CADM2: variants seen among roughly 807,000 people sequenced by gnomAD.
The protein encoded by CADM2 is immunoglobulin superfamily member 4D.
CADM2 carries 12 observed loss-of-function variants against 49.8 expected under a neutral mutation model. That is an observed-to-expected ratio of 0.24 (90% CI 0.15 to 0.39). CADM2 has a LOEUF of 0.39. Among genes scored for constraint, CADM2 ranks in the 10% least tolerant of loss-of-function variants. The probability of loss-of-function intolerance (pLI) is 1.00; values close to 1 mark genes in which losing one functional copy is unlikely to be tolerated. For synonymous variants in CADM2, 214 were observed against 175.4 expected (o/e 1.22, Z -1.74); for missense variants, 378 against 492.3 (o/e 0.77, Z 2.20).
intron 5 of CADM2, among the ~76,000 whole-genome samples, chr3:85,906,257 A>G (rs749631795): frequency 1.3e-5 from 2 of 152,168 alleles, no homozygotes; most frequent in Non-Finnish European, 2.9e-5. Flanking sequence ...GCTTCGAGTC[A>G]GGTAATATAT....
intron 1 of CADM2, among the ~76,000 whole-genome samples, chr3:84,965,165 C>T (rs572907954): frequency 3.3e-5 from 5 of 152,208 alleles, no homozygotes; most frequent in Non-Finnish European, 5.9e-5. Context: ...TCATTGCCAA[C>T]ATTTTATTTG....
chr3:85,354,041 G>C (rs2031607624), intron 1 of CADM2, among the ~76,000 whole-genome samples: 4 of 151,460 alleles, frequency 2.6e-5, no homozygotes, highest in Admixed American at 2.6e-4. Flanking sequence ...AGCTTATTAG[G>C]AATAGAACTG....
intron 1 of CADM2, among the ~76,000 whole-genome samples, chr3:85,341,388 A>G (rs1369398423): frequency 5.3e-5 from 8 of 151,968 alleles, no homozygotes; most frequent in Admixed American, 5.3e-4. Context: ...AGTCTATTTT[A>G]CAAACATTAG....
At chr3:85,246,443 A>G (rs2042647917) in intron 1 of CADM2, among the ~76,000 whole-genome samples, 1 of 152,018 alleles carries the variant, frequency 6.6e-6, no homozygotes, top group African/African-American at 2.4e-5. Flanking sequence ...CTTAAAGTAT[A>G]ATAAATAAAT....
intron 1 of CADM2, among the ~76,000 whole-genome samples, chr3:85,612,375 A>G (rs2063702044): frequency 6.6e-6 from 1 of 151,850 alleles, no homozygotes; most frequent in Non-Finnish European, 1.5e-5. Flanking sequence ...TGGGTTTCTA[A>G]TTCCATTTTC....
intron 1 of CADM2, among the ~76,000 whole-genome samples, chr3:85,160,512 T>A (rs902963644): frequency 2.6e-5 from 4 of 152,178 alleles, no homozygotes; most frequent in African/African-American, 9.6e-5. Context: ...CCTCTAAGAT[T>A]ATCTATTTGT....
intron 1 of CADM2, among the ~76,000 whole-genome samples, chr3:85,443,113 G>A (rs947197742): frequency 3.3e-5 from 5 of 151,852 alleles, no homozygotes; most frequent in African/African-American, 9.7e-5. Flanking sequence ...TAAAATAAAC[G>A]GGTTGATTTC....
intron 1 of CADM2, among the ~76,000 whole-genome samples, chr3:85,404,287 T>C (rs2035265800): frequency 1.3e-5 from 2 of 152,102 alleles, no homozygotes; most frequent in Non-Finnish European, 2.9e-5. Context: ...TGAGATGACT[T>C]TGTGCCCTTG....
chr3:85,292,698 A>G (rs532595920), intron 1 of CADM2, among the ~76,000 whole-genome samples: 20 of 152,176 alleles, frequency 1.3e-4, no homozygotes, highest in Middle Eastern at 3.4e-3. Context: ...TACTGGGTAC[A>G]TAACGAAATG....
At chr3:85,179,918 C>T (rs1358366236) in intron 1 of CADM2, among the ~76,000 whole-genome samples, 1 of 152,064 alleles carries the variant, frequency 6.6e-6, no homozygotes, top group African/African-American at 2.4e-5. Flanking sequence ...AGTACCTTTT[C>T]ATATTTATAG....
intron 1 of CADM2, among the ~76,000 whole-genome samples, chr3:85,390,554 T>G (rs903189900): frequency 6.6e-6 from 1 of 152,060 alleles, no homozygotes; most frequent in African/African-American, 2.4e-5. Context: ...ATCCAATGTC[T>G]ATTCCTGTTT....
At chr3:85,501,695 T>C (rs181405000) in intron 1 of CADM2, among the ~76,000 whole-genome samples, 1 of 152,258 alleles carries the variant, frequency 6.6e-6, no homozygotes, top group Non-Finnish European at 1.5e-5. Flanking sequence ...CATTAAAACA[T>C]TACATACATG....
intron 8 of CADM2, among the ~76,000 whole-genome samples, chr3:86,016,945 T>C (rs946449734): frequency 6.6e-6 from 1 of 151,964 alleles, no homozygotes; most frequent in African/African-American, 2.4e-5. Flanking sequence ...AATCTGAACT[T>C]TGAGAATACT....
intron 1 of CADM2, among the ~76,000 whole-genome samples, chr3:85,346,882 A>AT (rs1320266974): frequency 6.6e-6 from 1 of 152,184 alleles, no homozygotes; most frequent in African/African-American, 2.4e-5. Context: ...TATACTGCGT[A>AT]TGCATTAAAG....
At position 85,127,570 on chromosome 3, in the gene CADM2, T is replaced by C. The variant is rs72905300; in HGVS notation, c.61+167902T>C. ...TAAAGTCGTGAATTCCCTATGAATT[T>C]AATAATTTATTTATACTTCTACCTG... On this transcript the variant is annotated intron_variant, in intron 1 of 9. Coordinates refer to ENST00000383699, the MANE Select transcript of CADM2 (RefSeq NM_001167675.2). Among the ~76,000 whole-genome samples, 921 of 152,332 alleles carry C rather than the reference T, an allele frequency of 6.0e-3. 14 individuals are homozygous for C. The highest frequency in any genetic ancestry group is 0.021 in the African/African-American group (857 of 41,584).
intron 1 of CADM2, among the ~76,000 whole-genome samples, chr3:85,105,662 C>G (rs1350908600): frequency 6.6e-6 from 1 of 152,112 alleles, no homozygotes; most frequent in African/African-American, 2.4e-5. Flanking sequence ...TATTGTGACA[C>G]TATTCACAAT....
intron 1 of CADM2, among the ~76,000 whole-genome samples, chr3:85,202,125 A>G (rs2041520310): frequency 6.8e-6 from 1 of 147,342 alleles, no homozygotes; most frequent in South Asian, 2.1e-4. Context: ...TTCAAGTTTT[A>G]TCATGATAAG....
intron 1 of CADM2, among the ~76,000 whole-genome samples, chr3:85,203,381 GGAGA>G (rs141240353): frequency 2.6e-5 from 4 of 151,808 alleles, no homozygotes; most frequent in African/African-American, 9.7e-5. Flanking sequence ...AGCTGAAGGA[GGAGA>G]GAGAGAGAGA....
At chr3:85,243,112 A>G (rs1453722220) in intron 1 of CADM2, among the ~76,000 whole-genome samples, 2 of 151,890 alleles carry the variant, frequency 1.3e-5, no homozygotes, top group African/African-American at 4.8e-5. Flanking sequence ...AATTAAAGAG[A>G]CATTTGAAAA....
Sources: gnomAD v4.1 joint callset for allele counts (sites outside exome capture counted in the v4.1 genomes callset) on GRCh38, gnomAD v4.1.1 for gene constraint, MANE v1.5 for transcripts, NCBI Gene and HGNC (gene_info 2026-07-23, HGNC 2026-07-21) for gene names.